PARP8: variants seen among roughly 807,000 people sequenced by gnomAD.
PARP8 encodes protein mono-ADP-ribosyltransferase PARP8.
In PARP8, 51 loss-of-function variants were observed where a neutral mutation model predicts 124.1. That is an observed-to-expected ratio of 0.41 (90% CI 0.33 to 0.52). The LOEUF (loss-of-function observed/expected upper bound fraction) is 0.52, where lower values mean the gene tolerates loss of function less well. Among genes scored for constraint, PARP8 ranks in the 20% least tolerant of loss-of-function variants. The probability of loss-of-function intolerance (pLI) is 0.21; values close to 1 mark genes in which losing one functional copy is unlikely to be tolerated. For missense variants in PARP8, 860 were observed against 1,018.9 expected (o/e 0.84, Z 2.12); for synonymous variants, 391 against 361.5 (o/e 1.08, Z -0.93).
At chr5:50,713,345 G>C (rs562558928) in intron 2 of PARP8, among the ~76,000 whole-genome samples, 4 of 151,900 alleles carry the variant, frequency 2.6e-5, no homozygotes, top group Non-Finnish European at 5.9e-5. Flanking sequence ...GGCTCAAGCA[G>C]TTCTCCCACC....
intron 2 of PARP8, among the ~76,000 whole-genome samples, chr5:50,675,495 C>T (rs558806205): frequency 3.3e-5 from 5 of 152,200 alleles, no homozygotes; most frequent in African/African-American, 9.6e-5. Flanking sequence ...TTAGTCGAGA[C>T]GGGAATTCAC....
At chr5:50,788,633 A>G (rs754065970) in intron 10 of PARP8, 44 bp downstream of exon 10, 2 of 1,494,216 alleles carry the variant, frequency 1.3e-6, no homozygotes, top group Middle Eastern at 3.7e-4. Flanking sequence ...GCTAAAGAGA[A>G]CTGAGTTCTC....
At chr5:50,757,782 A>G (rs1174266145) in intron 3 of PARP8, among the ~76,000 whole-genome samples, 1 of 152,184 alleles carries the variant, frequency 6.6e-6, no homozygotes, top group African/African-American at 2.4e-5. Context: ...TTTCTTAAAC[A>G]TAATGTCTTA....
intron 2 of PARP8, among the ~76,000 whole-genome samples, chr5:50,699,750 C>T (rs1476175250): frequency 2.0e-5 from 3 of 152,118 alleles, no homozygotes; most frequent in Non-Finnish European, 4.4e-5. Context: ...TGAGATGGGC[C>T]AAGATGGGAT....
intron 2 of PARP8, among the ~76,000 whole-genome samples, chr5:50,672,303 C>G (rs909454184): frequency 4.6e-5 from 7 of 152,190 alleles, no homozygotes; most frequent in African/African-American, 1.2e-4. Context: ...CTCTCCTATG[C>G]GTTGCAGTTT....
At chr5:50,778,702 A>C (rs773602158) in intron 9 of PARP8, 52 bp downstream of exon 9, 2 of 1,208,908 alleles carry the variant, frequency 1.7e-6, no homozygotes, top group South Asian at 1.6e-5. Context: ...GCTGTGCACT[A>C]TGCCTTAAGC....
chr5:50,761,705 T>C, intron 5 of PARP8, 116 bp from the exon 6 acceptor site: 2 of 617,956 alleles, frequency 3.2e-6, no homozygotes, highest in Non-Finnish European at 5.4e-6. Flanking sequence ...CACCAAGATG[T>C]TTTATATATA....
At chr5:50,788,971 GTCCTTC>G (rs1324474130) in intron 10 of PARP8, among the ~76,000 whole-genome samples, 2 of 152,270 alleles carry the variant, frequency 1.3e-5, no homozygotes, top group Admixed American at 6.5e-5. Flanking sequence ...GAGCCGACCA[GTCCTTC>G]CACTGAAGCC....
chr5:50,841,880 T>C, intron 25 of PARP8, 86 bp from the exon 26 acceptor site: 1 of 892,348 alleles, frequency 1.1e-6, no homozygotes, highest in Non-Finnish European at 1.7e-6. Context: ...TTGGGCTATA[T>C]TTTAGGTATC....
At chr5:50,792,652 T>C (rs1288392571) in intron 10 of PARP8, among the ~76,000 whole-genome samples, 1 of 152,116 alleles carries the variant, frequency 6.6e-6, no homozygotes, top group African/African-American at 2.4e-5. Flanking sequence ...GATCTTATTA[T>C]TACATTTAAA....
At chr5:50,811,851 T>C (rs1255607760) in intron 14 of PARP8, among the ~76,000 whole-genome samples, 3 of 152,194 alleles carry the variant, frequency 2.0e-5, no homozygotes, top group African/African-American at 7.2e-5. Flanking sequence ...TGGTTTTCTG[T>C]CTTTGCGATA....
chr5:50,702,027 T>C (rs1490292410), intron 2 of PARP8, among the ~76,000 whole-genome samples: 2 of 152,166 alleles, frequency 1.3e-5, no homozygotes, highest in African/African-American at 4.8e-5. Flanking sequence ...ACTGACCTTC[T>C]TAATAAAATG....
intron 9 of PARP8, among the ~76,000 whole-genome samples, chr5:50,779,208 TGCATGCACACAC>T (rs1740380817): frequency 6.6e-6 from 1 of 151,616 alleles, no homozygotes; most frequent in Non-Finnish European, 1.5e-5. Context: ...CACACACACA[TGCATGCACACAC>T]ACGCATGCAC....
At position 50,842,209 on chromosome 5, in the gene PARP8, T is replaced by A. The variant is rs1748253119; in HGVS notation, c.*141T>A. ...GAATACTGATTTTTTTTCTTAGTAT[T>A]TCTAAGTATCTCATTAAATACCTAA... is the stretch of plus-strand genomic sequence containing the variant. On this transcript the variant is annotated 3_prime_UTR_variant, in exon 26 of 26. Transcript: ENST00000281631. 1.7e-6 allele frequency: 1 copy of A among 599,532 alleles called. No homozygotes were observed. Among genetic ancestry groups the A allele is most frequent in the Non-Finnish European group, 2.9e-6 (1 of 344,126 alleles). 37.1% of individuals were successfully genotyped at this position (599,532 alleles called of 1,614,324 possible). A position where few individuals can be genotyped will look rare whatever the true frequency, so the allele number is the denominator to read the frequency against.
At chr5:50,793,901 C>G (rs1742239557) in intron 10 of PARP8, among the ~76,000 whole-genome samples, 1 of 151,926 alleles carries the variant, frequency 6.6e-6, no homozygotes, top group South Asian at 2.1e-4. Flanking sequence ...CTTTATAATT[C>G]TCTTTATATC....
At chr5:50,745,931 T>C (rs893004767) in intron 2 of PARP8, among the ~76,000 whole-genome samples, 1 of 152,162 alleles carries the variant, frequency 6.6e-6, no homozygotes, top group Non-Finnish European at 1.5e-5. Context: ...GGATATTTTA[T>C]CTTCTAATGT....
In PARP8 at chr5:50,671,401, C is replaced by T. The variant is rs62366939; in HGVS notation, c.146+3276C>T. On this transcript the variant is annotated intron_variant, in intron 2 of 25. Coordinates refer to ENST00000281631, the MANE Select transcript of PARP8 (RefSeq NM_024615.4). ...GCAAGTGGAGCCCAGTGGGCCTGGC[C>T]ATGGACTGCTCTGGAATTCCGAGTG... Among the ~76,000 whole-genome samples, 1,514 of 152,046 alleles carry T rather than the reference C, an allele frequency of 1.0e-2. 9 individuals carry two copies. Among genetic ancestry groups the T allele is most frequent in the Non-Finnish European group, 0.016 (1,114 of 67,996 alleles).
chr5:50,667,585 T>C (rs1396036325), intron 1 of PARP8: 1 of 698,874 alleles, frequency 1.4e-6, no homozygotes, highest in African/African-American at 1.8e-5. Context: ...TGGAGCCTGC[T>C]GCGCTGCGCT....
intron 7 of PARP8, among the ~76,000 whole-genome samples, chr5:50,777,791 C>G (rs1740198559): frequency 6.6e-6 from 1 of 152,116 alleles, no homozygotes; most frequent in African/African-American, 2.4e-5. Context: ...TAATTTGCCA[C>G]AGAAAACGGA....
Sources: allele counts gnomAD v4.1 joint callset (sites outside exome capture counted in the v4.1 genomes callset), GRCh38; gene constraint gnomAD v4.1.1; transcripts MANE v1.5; gene names NCBI Gene and HGNC (gene_info 2026-07-23, HGNC 2026-07-21).